SLC4A4: variants seen among roughly 807,000 people sequenced by gnomAD.
The protein encoded by SLC4A4 is electrogenic sodium bicarbonate cotransporter 1.
A neutral mutation model predicts 111.5 loss-of-function variants in SLC4A4; 27 were observed. The ratio of observed to expected loss-of-function variants is 0.24; its 90% CI spans 0.18 to 0.33. The LOEUF (loss-of-function observed/expected upper bound fraction) is 0.33, where lower values mean the gene tolerates loss of function less well. SLC4A4 is among the 10% of genes least tolerant of loss of function. SLC4A4 has a pLI of 1.00. For missense variants in SLC4A4, 909 were observed against 1,315.5 expected (o/e 0.69, Z 4.78); for synonymous variants, 443 against 463.4 (o/e 0.96, Z 0.57).
At chr4:71,356,953 A>G in intron 5 of SLC4A4, 55 bp from the exon 6 acceptor site, 1 of 1,538,352 alleles carries the variant, frequency 6.5e-7, no homozygotes. Context: ...GAGTAAAAAA[A>G]TAACTTTGTG....
chr4:71,139,035 CAAA>C (rs5859250), intron 2 of SLC4A4, among the ~76,000 whole-genome samples: 3 of 42,838 alleles, frequency 7.0e-5, no homozygotes, highest in Admixed American at 2.9e-4. Flanking sequence ...GACTCCGTCT[CAAA>C]AAAAAAAAAA....
intron 6 of SLC4A4, among the ~76,000 whole-genome samples, chr4:71,373,582 T>C (rs16846314): frequency 0.022 from 3,292 of 152,248 alleles, 114 homozygotes; most frequent in East Asian, 0.12. Context: ...AGAAAGGGCA[T>C]GGGAAGAAGA....
chr4:71,363,304 G>A (rs1730965794), intron 6 of SLC4A4, among the ~76,000 whole-genome samples: 1 of 152,220 alleles, frequency 6.6e-6, no homozygotes, highest in African/African-American at 2.4e-5. Context: ...TCTGATTTGA[G>A]ATTAGGCCCA....
chr4:71,078,467 G>T (rs1181832541), intron 1 of SLC4A4, among the ~76,000 whole-genome samples: 1 of 152,140 alleles, frequency 6.6e-6, no homozygotes, highest in Non-Finnish European at 1.5e-5. Context: ...ATTCAAGCAG[G>T]CTGGAGTTTG....
At chr4:71,281,853 G>A (rs1723542560) in intron 3 of SLC4A4, among the ~76,000 whole-genome samples, 2 of 151,836 alleles carry the variant, frequency 1.3e-5, no homozygotes, top group Admixed American at 1.3e-4. Flanking sequence ...AATGTGAACT[G>A]TGGATTTGTC....
At chr4:71,118,551 G>T (rs970389496) in intron 2 of SLC4A4, among the ~76,000 whole-genome samples, 49 of 151,638 alleles carry the variant, frequency 3.2e-4, no homozygotes, top group African/African-American at 1.1e-3. Context: ...CTTTCCCTTT[G>T]CCTCAAATAT....
intron 7 of SLC4A4, among the ~76,000 whole-genome samples, chr4:71,419,480 G>A (rs1417690286): frequency 6.6e-6 from 1 of 152,224 alleles, no homozygotes; most frequent in African/African-American, 2.4e-5. Context: ...AGACTCCGTG[G>A]GCGTAGGACC....
rs532087792 is a variant in SLC4A4, at chr4:71,224,620, C to G, written c.-1-11956C>G. Among the ~76,000 whole-genome samples the G allele has an allele frequency of 2.0e-5, 3 of 152,242 alleles. No homozygotes were observed. The South Asian group carries it at 6.2e-4, about 32-fold the overall frequency. ...GTAACTAAGACATAGTAAGCACTAC[C>G]TAAGTGTTTGCTAAATAAAAATAAA... is the stretch of plus-strand genomic sequence containing the variant. On this transcript the variant is annotated intron_variant, in intron 1 of 25. Transcript: ENST00000264485.
At chr4:71,387,252 C>T (rs1303510382) in intron 6 of SLC4A4, among the ~76,000 whole-genome samples, 1 of 152,154 alleles carries the variant, frequency 6.6e-6, no homozygotes, top group Non-Finnish European at 1.5e-5. Context: ...TTCTAAATAG[C>T]ATAAATGGTG....
chr4:71,217,743 A>T (rs1172976066), intron 1 of SLC4A4, among the ~76,000 whole-genome samples: 2 of 152,220 alleles, frequency 1.3e-5, no homozygotes, highest in African/African-American at 4.8e-5. Flanking sequence ...TCTATTTGGT[A>T]TAAGAGTGGC....
intron 24 of SLC4A4, among the ~76,000 whole-genome samples, chr4:71,565,276 C>T (rs1025656247): frequency 4.0e-5 from 6 of 151,894 alleles, no homozygotes; most frequent in Non-Finnish European, 7.4e-5. Context: ...TGCCTCCAGA[C>T]ACTGTTTTCC....
intron 1 of SLC4A4, among the ~76,000 whole-genome samples, chr4:71,188,962 A>T (rs1376438384): frequency 2.6e-5 from 4 of 152,076 alleles, no homozygotes; most frequent in Admixed American, 2.6e-4. Context: ...TAGATCTTGA[A>T]ATTGAATGAT....
At chr4:71,235,972 A>G (rs1216194976) in intron 1 of SLC4A4, 2 of 919,026 alleles carry the variant, frequency 2.2e-6, no homozygotes, top group African/African-American at 1.8e-5. Flanking sequence ...AGATTTCCGT[A>G]AGGCCAGCAT....
intron 2 of SLC4A4, among the ~76,000 whole-genome samples, chr4:71,098,389 C>T (rs1053681642): frequency 2.6e-5 from 4 of 152,094 alleles, no homozygotes; most frequent in African/African-American, 9.7e-5. Flanking sequence ...GTCTACATGT[C>T]TGTTTTTGTG....
At chr4:71,459,002 T>C (rs1300694975) in intron 12 of SLC4A4, among the ~76,000 whole-genome samples, 1 of 152,160 alleles carries the variant, frequency 6.6e-6, no homozygotes, top group East Asian at 1.9e-4. Flanking sequence ...TAGACATATT[T>C]AGTGACAAAA....
chr4:71,301,412 C>T lies in SLC4A4; in HGVS notation c.254-37958C>T, dbSNP rs1019042044. On this transcript the variant is annotated intron_variant, in intron 3 of 25. Transcript: ENST00000264485. ...AGCCACAGTCTTGGGGCCAGTCTGA[C>T]GGAGTTAGGAGAGGGAAGAAGGAAT... Among the ~76,000 whole-genome samples the T allele has an allele frequency of 5.9e-5, 9 of 151,864 alleles. 1 individual carries two copies. The highest frequency in any genetic ancestry group is 1.9e-4 in the African/African-American group (8 of 41,326).
intron 2 of SLC4A4, among the ~76,000 whole-genome samples, chr4:71,240,046 G>A (rs748397806): frequency 3.9e-5 from 6 of 152,036 alleles, no homozygotes; most frequent in African/African-American, 9.7e-5. Flanking sequence ...CTCACTTTTC[G>A]TTTCAAACAT....
intron 10 of SLC4A4, 126 bp downstream of exon 10, chr4:71,450,669 A>AT: frequency 1.2e-6 from 1 of 852,504 alleles, no homozygotes; most frequent in Admixed American, 2.2e-5. Flanking sequence ...AACTTGATGT[A>AT]TTTTCTCAAA....
intron 1 of SLC4A4, among the ~76,000 whole-genome samples, chr4:71,227,270 G>A (rs184056084): frequency 3.5e-4 from 54 of 152,292 alleles, no homozygotes; most frequent in African/African-American, 1.3e-3. Flanking sequence ...ACGGTTCAGG[G>A]TGTATGGCAT....
Sources: allele counts gnomAD v4.1 joint callset (sites outside exome capture counted in the v4.1 genomes callset), GRCh38; gene constraint gnomAD v4.1.1; transcripts MANE v1.5; gene names NCBI Gene and HGNC (gene_info 2026-07-23, HGNC 2026-07-21).